The following FAAH2 variants were observed in gnomAD, a reference collection of about 807,000 sequenced individuals.
FAAH2 encodes the protein fatty-acid amide hydrolase 2.
In FAAH2, 60 loss-of-function variants were observed where a neutral mutation model predicts 36.9. The observed-to-expected ratio is 1.63, with a 90% CI of 1.32 to 2.02. The LOEUF (loss-of-function observed/expected upper bound fraction) is 2.02, where lower values mean the gene tolerates loss of function less well. Among genes scored for constraint, FAAH2 ranks in the 30% most tolerant of loss-of-function variants. The pLI, the probability that FAAH2 is intolerant of heterozygous loss-of-function variation, is 0.00. For synonymous variants in FAAH2, 214 were observed against 143.8 expected (o/e 1.49, Z -3.49); for missense variants, 689 against 397.5 (o/e 1.73, Z -6.23).
At chrX:57,226,573 C>G in the FAAH2 span, among the ~76,000 whole-genome samples, 2 of 111,836 alleles carry the variant, frequency 1.8e-5, no homozygotes, top group African/African-American at 6.5e-5. Flanking sequence ...TGTCTCAAAA[C>G]TCTTAAGATT....
the FAAH2 span, among the ~76,000 whole-genome samples, chrX:57,281,066 G>T: frequency 9.0e-6 from 1 of 111,661 alleles, no homozygotes; most frequent in Non-Finnish European, 1.9e-5. Flanking sequence ...GGAATAATGA[G>T]GGGATTGGGC....
chrX:57,256,454 G>A, the FAAH2 span, among the ~76,000 whole-genome samples: 5 of 111,484 alleles, frequency 4.5e-5, no homozygotes, highest in East Asian at 2.8e-4. Flanking sequence ...AAAGGACCCC[G>A]CATAGCCAAG....
chrX:57,479,496 A>G (rs1046530577), intron 10 of FAAH2, among the ~76,000 whole-genome samples: 5 of 110,781 alleles, frequency 4.5e-5, no homozygotes, highest in Non-Finnish European at 9.4e-5. Context: ...TCCCCTGCCT[A>G]ATTTCCCTGG....
intron 7 of FAAH2, among the ~76,000 whole-genome samples, chrX:57,386,272 G>T (rs1023526834): frequency 3.6e-5 from 4 of 111,089 alleles, no homozygotes; most frequent in African/African-American, 1.3e-4. Context: ...CAGGGACATA[G>T]GTAAAGGAGA....
At chrX:57,230,833 A>T in the FAAH2 span, among the ~76,000 whole-genome samples, 2 of 111,512 alleles carry the variant, frequency 1.8e-5, no homozygotes, top group African/African-American at 6.5e-5. Flanking sequence ...ATTATTTTAT[A>T]ACTTGTGTCT....
chrX:57,267,428 G>A, the FAAH2 span, among the ~76,000 whole-genome samples: 1 of 112,421 alleles, frequency 8.9e-6, no homozygotes, highest in Non-Finnish European at 1.9e-5. Flanking sequence ...ATGCTTGTGG[G>A]GCACAGAATA....
chrX:57,431,787 G>GTTTTGTTT (rs1556012968), intron 7 of FAAH2, 131 bp from the exon 8 acceptor site: 1 of 122,888 alleles, frequency 8.1e-6, no homozygotes, highest in African/African-American at 3.9e-5. Flanking sequence ...TTGTTTTTTT[G>GTTTTGTTT]TTTTTTTTGG....
At chrX:57,366,303 CA>C (rs2054413030) in intron 5 of FAAH2, among the ~76,000 whole-genome samples, 1 of 111,904 alleles carries the variant, frequency 8.9e-6, no homozygotes, top group African/African-American at 3.2e-5. Context: ...CAGATGCTTT[CA>C]GGGGCTAAGA....
At chrX:57,422,952 G>T (rs1467944704) in intron 7 of FAAH2, among the ~76,000 whole-genome samples, 2 of 112,207 alleles carry the variant, frequency 1.8e-5, no homozygotes, top group African/African-American at 6.5e-5. Flanking sequence ...CTATGGGTGG[G>T]TCCAATGGAA....
chrX:57,137,290 C>G, the FAAH2 span: 1 of 759,339 alleles, frequency 1.3e-6, no homozygotes, highest in Non-Finnish European at 1.6e-6. Context: ...GAGCCTGTGG[C>G]GAAGGAGGGT....
the FAAH2 span, among the ~76,000 whole-genome samples, chrX:57,133,987 G>A: frequency 9.0e-6 from 1 of 111,342 alleles, no homozygotes; most frequent in African/African-American, 3.3e-5. Context: ...AACCTGGGCA[G>A]CAGGGCGTCA....
chrX:57,457,054 G>A (rs1383476296), intron 10 of FAAH2, among the ~76,000 whole-genome samples: 3 of 111,626 alleles, frequency 2.7e-5, no homozygotes, highest in Non-Finnish European at 5.6e-5. Context: ...TTCTCAACAA[G>A]ATAATAGCAA....
chrX:57,484,909 G>A (rs1864697), intron 10 of FAAH2, among the ~76,000 whole-genome samples: 39,830 of 109,923 alleles, frequency 0.36, 6,263 homozygotes, highest in Middle Eastern at 0.6. Context: ...AGTGCTGTCT[G>A]TGTAATGGGG....
chrX:57,150,936 G>A, the FAAH2 span, among the ~76,000 whole-genome samples: 2 of 112,161 alleles, frequency 1.8e-5, no homozygotes, highest in Non-Finnish European at 3.8e-5. Flanking sequence ...TCCTTCAGGA[G>A]CTCTTTTAGG....
the FAAH2 span, among the ~76,000 whole-genome samples, chrX:57,248,739 G>A: frequency 1.7e-5 from 1 of 57,879 alleles, no homozygotes; most frequent in Non-Finnish European, 2.8e-5. Context: ...GGCAACAAGA[G>A]CAAAGCTCCG....
chrX:57,131,454 T>A, the FAAH2 span, among the ~76,000 whole-genome samples: 3 of 112,068 alleles, frequency 2.7e-5, no homozygotes, highest in Admixed American at 9.4e-5. Flanking sequence ...TTTATGGCCG[T>A]ACCAGAGATG....
intron 10 of FAAH2, among the ~76,000 whole-genome samples, chrX:57,458,219 G>A (rs551059433): frequency 8.9e-6 from 1 of 111,971 alleles, no homozygotes; most frequent in African/African-American, 3.2e-5. Context: ...TTCAATAAAT[G>A]GTACTATAAT....
chrX:57,424,409 G>A lies in FAAH2; in HGVS notation c.997-7509G>A, dbSNP rs183429082. ...ACAGCTGGCTGGCTCTTACCTGTAA[G>A]CAACACCTACAGCCCTGAAGTTTGA... On this transcript the variant is annotated intron_variant, in intron 7 of 10. Coordinates refer to ENST00000374900, the MANE Select transcript of FAAH2 (RefSeq NM_174912.4). Among the ~76,000 whole-genome samples, 11 of 111,944 alleles carry A rather than the reference G, an allele frequency of 9.8e-5. No individual in the cohort carries two copies. The East Asian group carries it at 2.3e-3, about 23-fold the overall frequency.
intron 7 of FAAH2, among the ~76,000 whole-genome samples, chrX:57,391,080 T>C (rs2055155683): frequency 9.0e-6 from 1 of 111,697 alleles, no homozygotes; most frequent in South Asian, 3.7e-4. Flanking sequence ...ACTAGTGATG[T>C]TGAGCACCTT....
Sources: allele counts gnomAD v4.1 joint callset (sites outside exome capture counted in the v4.1 genomes callset), GRCh38; gene constraint gnomAD v4.1.1; transcripts MANE v1.5; gene names NCBI Gene and HGNC (gene_info 2026-07-23, HGNC 2026-07-21).